The following PAX9 variants were observed in gnomAD, a reference collection of about 807,000 sequenced individuals.
PAX9 encodes paired box protein Pax-9.
A neutral mutation model predicts 29.1 loss-of-function variants in PAX9; 6 were observed. The ratio of observed to expected loss-of-function variants is 0.21; its 90% confidence interval spans 0.11 to 0.41. The LOEUF (loss-of-function observed/expected upper bound fraction) is 0.41. Among genes scored for constraint, PAX9 ranks in the 10% least tolerant of loss-of-function variants. The pLI is 1.00. For missense variants in PAX9, 443 were observed against 479.1 expected, an observed-to-expected ratio of 0.92 and a Z score of 0.70; for synonymous variants, 217 against 211.7, an observed-to-expected ratio of 1.03 and a Z score of -0.22.
At position 36,661,944 on chromosome 14, in the gene PAX9, T is replaced by C; in HGVS notation, c.-146T>C. ...CACAGACTTCCTTTTACTTCTTCCT[T>C]TTGCCCTCTCGCCTCCTCCTCCTGG... On this transcript the variant is annotated 5_prime_UTR_variant, in exon 1 of 4. Coordinates refer to ENST00000361487, the MANE Select transcript of PAX9 (RefSeq NM_001372076.1). 1.1e-6 allele frequency: 1 copy of C among 919,638 alleles called. No homozygotes were observed. Among genetic ancestry groups the C allele is most frequent in the South Asian group, 1.4e-5 (1 of 70,864 alleles). The allele number at this position is 919,638 out of a possible 1,614,324, so 57.0% of individuals were successfully genotyped here. A position where few individuals can be genotyped will look rare whatever the true frequency, so the allele number is the denominator to read the frequency against.
rs1881888258 is a variant in PAX9 at position 36,676,354 on chromosome 14, T to C, written c.928T>C (p.Leu310=). 6.2e-7 allele frequency: 1 copy of C among 1,613,962 alleles called. No individual in the cohort carries two copies. Among genetic ancestry groups the C allele is most frequent in the African/African-American group, 1.3e-5 (1 of 74,898 alleles). ...HGWQHAGGTS[L]SPHNCDIPAS... ...GTGGCAACATGCTGGGGGCACCTCA[T>C]TGTCTCCCCACAACTGTGACATTCC... Residue 310 remains leucine, a synonymous_variant, in exon 4 of 4, where the codon TTG becomes CTG. Transcript: ENST00000361487.
At chr14:36,672,724 T>C (rs1310307927) in intron 3 of PAX9, among the ~76,000 whole-genome samples, 3 of 150,868 alleles carry the variant, frequency 2.0e-5, no homozygotes, top group African/African-American at 7.3e-5. Flanking sequence ...AGGGTCATAA[T>C]TTAACCTGAG....
chr14:36,660,618 C>T (rs982172274), upstream of PAX9, among the ~76,000 whole-genome samples: 5 of 152,158 alleles, frequency 3.3e-5, no homozygotes, highest in African/African-American at 1.2e-4. Flanking sequence ...CGCAGCCACA[C>T]ACATCCCTGG....
intron 2 of PAX9, among the ~76,000 whole-genome samples, chr14:36,664,095 C>T (rs947838709): frequency 6.6e-6 from 1 of 152,242 alleles, no homozygotes. Context: ...TTATGCTTCA[C>T]TTCATTTTCC....
At chr14:36,665,683 C>A (rs950206908) in intron 2 of PAX9, among the ~76,000 whole-genome samples, 1 of 151,868 alleles carries the variant, frequency 6.6e-6, no homozygotes, top group African/African-American at 2.4e-5. Context: ...ATTTTCTTAA[C>A]CTATTTCATT....
chr14:36,670,596 C>T (rs1881662738), intron 3 of PAX9, among the ~76,000 whole-genome samples: 1 of 151,972 alleles, frequency 6.6e-6, no homozygotes, highest in South Asian at 2.1e-4. Context: ...GATTTATAGA[C>T]AATGAAATCT....
chr14:36,672,759 C>T (rs937412721), intron 3 of PAX9, among the ~76,000 whole-genome samples: 2 of 144,382 alleles, frequency 1.4e-5, no homozygotes, highest in Non-Finnish European at 3.0e-5. Flanking sequence ...TATTTTTATA[C>T]TGTTTAAGTT....
upstream of PAX9, among the ~76,000 whole-genome samples, chr14:36,658,200 G>T (rs1252941401): frequency 1.3e-5 from 2 of 152,166 alleles, no homozygotes; most frequent in African/African-American, 2.4e-5. Context: ...TGCACCGCGC[G>T]CAATGCCCCA....
chr14:36,674,791 T>C (rs1881822436), intron 3 of PAX9, among the ~76,000 whole-genome samples: 1 of 152,226 alleles, frequency 6.6e-6, no homozygotes, highest in Non-Finnish European at 1.5e-5. Flanking sequence ...CAACATGAGG[T>C]GTTTGTTCTT....
intron 3 of PAX9, among the ~76,000 whole-genome samples, chr14:36,673,109 G>A (rs1426187867): frequency 2.0e-5 from 3 of 151,398 alleles, no homozygotes; most frequent in Non-Finnish European, 2.9e-5. Flanking sequence ...CAGGCAATCC[G>A]CCCGCCTCAG....
At chr14:36,665,257 G>A (rs777881003) in intron 2 of PAX9, among the ~76,000 whole-genome samples, 2 of 151,712 alleles carry the variant, frequency 1.3e-5, no homozygotes, top group Non-Finnish European at 2.9e-5. Flanking sequence ...TGTCAGTTGG[G>A]AAAGTATTGG....
At chr14:36,662,152 AAGGGAGGGAGGG>A in intron 1 of PAX9, 59 bp downstream of exon 1, 2 of 423,210 alleles carry the variant, frequency 4.7e-6, no homozygotes, top group Non-Finnish European at 9.0e-6. Context: ...GCGAGCGGGC[AAGGGAGGGAGGG>A]AGGGAGGGAG....
At position 36,661,928 on chromosome 14, in the gene PAX9, C is replaced by T. The variant is rs1399291363; in HGVS notation, c.-162C>T. ...GCCTCTTTCATCGGGGCACAGACTT[C>T]CTTTTACTTCTTCCTTTTGCCCTCT... is the stretch of plus-strand genomic sequence containing the variant. On this transcript the variant is annotated 5_prime_UTR_variant, in exon 1 of 4. Coordinates refer to ENST00000361487, the MANE Select transcript of PAX9 (RefSeq NM_001372076.1). The T allele has an allele frequency of 1.2e-6, 1 of 816,338 alleles. No homozygotes were observed. The highest frequency in any genetic ancestry group is 2.1e-6 in the Non-Finnish European group (1 of 484,464). The allele number at this position is 816,338 out of a possible 1,614,324, so 50.6% of individuals were successfully genotyped here.
chr14:36,663,648 A>G lies in PAX9; in HGVS notation c.631+125A>G. The G allele has an allele frequency of 4.0e-6, 5 of 1,246,028 alleles. No homozygotes were observed. The South Asian group carries it at 6.5e-5, about 16-fold the overall frequency. The allele number at this position is 1,246,028 out of a possible 1,614,324, so 77.2% of individuals were successfully genotyped here. On this transcript the variant is annotated intron_variant, in intron 2 of 3. Transcript: ENST00000361487. ...CCACCTGAGGCTTTTTCCTTTGGAA[A>G]CGTAAGGAGTCTTCCTAGGGGGTGT...
Position 36,676,847 on chromosome 14 carries a change from G to A in PAX9, c.*395G>A, listed in dbSNP as rs532783450. 34 of 229,966 alleles carry A rather than the reference G, an allele frequency of 1.5e-4. No individual in the cohort carries two copies. Among genetic ancestry groups the A allele is most frequent in the Middle Eastern group, 1.7e-3 (1 of 588 alleles). The allele number at this position is 229,966 out of a possible 1,614,324, so 14.2% of individuals were successfully genotyped here. A position where few individuals can be genotyped will look rare whatever the true frequency, so the allele number is the denominator to read the frequency against. On this transcript the variant is annotated 3_prime_UTR_variant, in exon 4 of 4. Coordinates refer to ENST00000361487, the MANE Select transcript of PAX9 (RefSeq NM_001372076.1). ...TGAACTTTTGAAATGTGCAATTGTT[G>A]AGATTTTGCAAAATCAATAAAGGAA...
In PAX9 at chr14:36,676,339, G is replaced by T; in HGVS notation, c.913G>T (p.Ala305Ser). 6.2e-7 allele frequency: 1 copy of T among 1,614,154 alleles called. No individual in the cohort carries two copies. The highest frequency in any genetic ancestry group is 2.2e-5 in the East Asian group (1 of 44,864). ...TGTTGCTGGACATGGGTGGCAACAT[G>T]CTGGGGGCACCTCATTGTCTCCCCA... ...GYVAGHGWQH[A>S]GGTSLSPHNC... Residue 305 changes from alanine (A) to serine (S), a missense_variant, in exon 4 of 4, where the codon GCT becomes TCT. Coordinates refer to ENST00000361487, the MANE Select transcript of PAX9 (RefSeq NM_001372076.1).
chr14:36,666,744 C>T (rs537054498), intron 3 of PAX9, 143 bp downstream of exon 3: 3 of 1,145,348 alleles, frequency 2.6e-6, no homozygotes, highest in East Asian at 2.6e-5. Flanking sequence ...CCAGATCCTT[C>T]GTGGACTGGG....
intron 3 of PAX9, among the ~76,000 whole-genome samples, chr14:36,675,920 T>C (rs1881868103): frequency 6.6e-6 from 1 of 152,228 alleles, no homozygotes; most frequent in South Asian, 2.1e-4. Flanking sequence ...CTCCTTCCTG[T>C]ACTTCCAAGT....
rs1881972690 is a variant in PAX9, at chr14:36,677,845, T to G, written c.*1393T>G. 6.6e-6 allele frequency: 1 copy of G among 152,258 alleles called. No individual in the cohort carries two copies. The highest frequency in any genetic ancestry group is 6.5e-5 in the Admixed American group (1 of 15,284). 9.4% of individuals were successfully genotyped at this position (152,258 alleles called of 1,614,324 possible). On this transcript the variant is annotated 3_prime_UTR_variant, in exon 4 of 4. Coordinates refer to ENST00000361487, the MANE Select transcript of PAX9 (RefSeq NM_001372076.1). ...AATTTATTTTTCACTTTAATGTTAA[T>G]AACAGTTGTGGAGTATATGTGTGTG... is the stretch of plus-strand genomic sequence containing the variant.
Sources: allele counts gnomAD v4.1 joint callset (sites outside exome capture counted in the v4.1 genomes callset), GRCh38; gene constraint gnomAD v4.1.1; transcripts MANE v1.5; gene names NCBI Gene and HGNC (gene_info 2026-07-23, HGNC 2026-07-21).